Variants in ENTREP2 observed in about 807,000 individuals in gnomAD.
ENTREP2 encodes the protein protein ENTREP2.
the ENTREP2 span, among the ~76,000 whole-genome samples, chr15:29,188,940 C>T: frequency 6.6e-5 from 10 of 152,198 alleles, no homozygotes; most frequent in Admixed American, 4.6e-4. Flanking sequence ...AGGAGGGTGG[C>T]GTACCCTCGC....
the ENTREP2 span, among the ~76,000 whole-genome samples, chr15:29,650,584 C>A: frequency 2.6e-5 from 4 of 151,038 alleles, no homozygotes; most frequent in Non-Finnish European, 5.9e-5. Context: ...CAGAGTGAGA[C>A]TCCATCTCAA....
the ENTREP2 span, among the ~76,000 whole-genome samples, chr15:29,582,452 A>C: frequency 6.6e-6 from 1 of 152,172 alleles, no homozygotes; most frequent in South Asian, 2.1e-4. Context: ...AAAAGCAAAA[A>C]GGAGGAAAAT....
chr15:29,524,727 G>A, the ENTREP2 span, among the ~76,000 whole-genome samples: 1 of 152,248 alleles, frequency 6.6e-6, no homozygotes, highest in African/African-American at 2.4e-5. Context: ...ATCTAGAGGG[G>A]TGTCAGTCAG....
the ENTREP2 span, among the ~76,000 whole-genome samples, chr15:29,231,881 T>TTTTC: frequency 4.5e-5 from 6 of 134,414 alleles, no homozygotes; most frequent in African/African-American, 1.6e-4. Flanking sequence ...ATAAGTTTTC[T>TTTTC]TTTCTTTTCT....
the ENTREP2 span, among the ~76,000 whole-genome samples, chr15:29,264,131 G>GCAGCCT: frequency 4.1e-5 from 4 of 97,258 alleles, no homozygotes; most frequent in Admixed American, 1.3e-4. Context: ...CTACAGCCTG[G>GCAGCCT]GCGACAGAGC....
the ENTREP2 span, among the ~76,000 whole-genome samples, chr15:29,324,489 A>C: frequency 6.6e-6 from 1 of 152,204 alleles, no homozygotes; most frequent in Non-Finnish European, 1.5e-5. Context: ...AGATAAAATA[A>C]AAAGCCAACT....
At chr15:29,421,294 C>A in the ENTREP2 span, among the ~76,000 whole-genome samples, 1 of 152,162 alleles carries the variant, frequency 6.6e-6, no homozygotes, top group Non-Finnish European at 1.5e-5. Flanking sequence ...AGGTATAAAT[C>A]CAAATACTGA....
the ENTREP2 span, chr15:29,570,452 C>A: frequency 8.6e-6 from 10 of 1,158,560 alleles, no homozygotes; most frequent in Non-Finnish European, 1.1e-5. Flanking sequence ...CGCCTAGCCC[C>A]CCCGGCCCGC....
the ENTREP2 span, among the ~76,000 whole-genome samples, chr15:29,511,981 G>C: frequency 6.6e-6 from 1 of 151,600 alleles, no homozygotes; most frequent in Admixed American, 6.6e-5. Flanking sequence ...AATATTAACA[G>C]AGATTGTTTT....
chr15:29,450,452 G>T, the ENTREP2 span, among the ~76,000 whole-genome samples: 1 of 152,148 alleles, frequency 6.6e-6, no homozygotes, highest in Non-Finnish European at 1.5e-5. Context: ...CCTATGGTTA[G>T]CCAGCTATCC....
the ENTREP2 span, among the ~76,000 whole-genome samples, chr15:29,562,502 T>C: frequency 1.3e-5 from 2 of 152,164 alleles, no homozygotes; most frequent in East Asian, 1.9e-4. Context: ...GCTCAAGCCA[T>C]GGGGTAAATG....
chr15:29,546,485 A>T, the ENTREP2 span, among the ~76,000 whole-genome samples: 1 of 152,202 alleles, frequency 6.6e-6, no homozygotes, highest in Non-Finnish European at 1.5e-5. Context: ...CAGACTAGAG[A>T]AGAGGAGCCA....
the ENTREP2 span, among the ~76,000 whole-genome samples, chr15:29,142,014 A>T: frequency 6.6e-6 from 1 of 152,202 alleles, no homozygotes; most frequent in Non-Finnish European, 1.5e-5. Flanking sequence ...TGTGAAAACC[A>T]AGTTGAATGC....
chr15:29,630,243 C>T, the ENTREP2 span, among the ~76,000 whole-genome samples: 2 of 152,120 alleles, frequency 1.3e-5, no homozygotes, highest in African/African-American at 2.4e-5. Context: ...AGTTTTAGGA[C>T]ATAGGGTTTA....
the ENTREP2 span, among the ~76,000 whole-genome samples, chr15:29,307,970 T>C: frequency 2.9e-4 from 44 of 152,190 alleles, no homozygotes; most frequent in African/African-American, 1.1e-3. Flanking sequence ...TTTAAAAAAT[T>C]ATTTTAGAAG....
the ENTREP2 span, among the ~76,000 whole-genome samples, chr15:29,366,355 G>A: frequency 2.6e-5 from 4 of 152,186 alleles, no homozygotes; most frequent in East Asian, 1.9e-4. Context: ...GATTACAGGC[G>A]TGAGCCACTG....
chr15:29,173,008 C>G, the ENTREP2 span, among the ~76,000 whole-genome samples: 1 of 152,216 alleles, frequency 6.6e-6, no homozygotes, highest in Non-Finnish European at 1.5e-5. Context: ...CCTCTGCAGC[C>G]TATTTCTGCC....
the ENTREP2 span, among the ~76,000 whole-genome samples, chr15:29,222,643 G>A: frequency 4.6e-5 from 7 of 152,046 alleles, no homozygotes; most frequent in Non-Finnish European, 1.0e-4. Context: ...CGTCACTCAT[G>A]CTCAGGAGAA....
chr15:29,304,289 G>A, the ENTREP2 span, among the ~76,000 whole-genome samples: 38 of 152,212 alleles, frequency 2.5e-4, no homozygotes, highest in Middle Eastern at 3.4e-3. Context: ...TGACCAAATG[G>A]ACCTAACAGA....
Sources: gnomAD v4.1 joint callset for allele counts (sites outside exome capture counted in the v4.1 genomes callset) on GRCh38, gnomAD v4.1.1 for gene constraint, MANE v1.5 for transcripts, NCBI Gene and HGNC (gene_info 2026-07-23, HGNC 2026-07-21) for gene names.